The following GPHN variants were observed in gnomAD, a reference collection of about 807,000 sequenced individuals.
GPHN encodes the protein gephyrin.
In GPHN, 17 loss-of-function variants were observed where a neutral mutation model predicts 95.5. The ratio of observed to expected loss-of-function variants is 0.18; its 90% CI spans 0.12 to 0.27. The LOEUF (loss-of-function observed/expected upper bound fraction) is 0.27. GPHN is among the 10% of genes least tolerant of loss of function. The pLI is 1.00. For synonymous variants in GPHN, 320 were observed against 322.5 expected, an observed-to-expected ratio of 0.99 and a Z score of 0.08; for missense variants, 660 against 978.1, an observed-to-expected ratio of 0.67 and a Z score of 4.34.
chr14:67,201,501 ATCCTGGTGGCTCTGTC>A, the GPHN span: 2 of 455,880 alleles, frequency 4.4e-6, no homozygotes, highest in Admixed American at 2.4e-5. Flanking sequence ...TATTCATCTC[ATCCTGGTGGCTCTGTC>A]TCCTGGTGGC....
At chr14:67,028,292 A>G (rs1594864035) in intron 10 of GPHN, among the ~76,000 whole-genome samples, 1 of 152,320 alleles carries the variant, frequency 6.6e-6, no homozygotes, top group African/African-American at 2.4e-5. Context: ...TTAATTCTAT[A>G]TCTTGGCTAT....
At chr14:66,638,795 A>G (rs577942369) in intron 1 of GPHN, among the ~76,000 whole-genome samples, 1 of 152,260 alleles carries the variant, frequency 6.6e-6, no homozygotes, top group Non-Finnish European at 1.5e-5. Context: ...TTACTAGTCA[A>G]ATCAGATATC....
intron 1 of GPHN, among the ~76,000 whole-genome samples, chr14:66,645,325 G>A (rs2064673077): frequency 1.3e-5 from 2 of 152,088 alleles, no homozygotes; most frequent in Admixed American, 1.3e-4. Flanking sequence ...ATCCAGATGA[G>A]TTTTTCTGAT....
chr14:66,977,095 A>G (rs2070297986), intron 9 of GPHN, among the ~76,000 whole-genome samples: 1 of 152,214 alleles, frequency 6.6e-6, no homozygotes, highest in African/African-American at 2.4e-5. Flanking sequence ...AATTCGTATA[A>G]CCTTTCATAC....
chr14:66,719,023 C>T (rs1285018680), intron 2 of GPHN, among the ~76,000 whole-genome samples: 5 of 152,300 alleles, frequency 3.3e-5, no homozygotes, highest in South Asian at 2.1e-4. Context: ...CCAGCTCCCA[C>T]GCAATCCACA....
chr14:67,476,749 G>T, the GPHN span, among the ~76,000 whole-genome samples: 2 of 152,142 alleles, frequency 1.3e-5, no homozygotes, highest in African/African-American at 4.8e-5. Flanking sequence ...AATATCTCTT[G>T]CTTTCTACTG....
intron 17 of GPHN, among the ~76,000 whole-genome samples, chr14:67,138,910 TTTTTTTA>T (rs2080271396): frequency 7.0e-6 from 1 of 143,796 alleles, no homozygotes. Flanking sequence ...TTTTTTTTTT[TTTTTTTA>T]AATTATTAAG....
intron 1 of GPHN, among the ~76,000 whole-genome samples, chr14:66,654,356 A>G (rs1398717138): frequency 6.6e-6 from 1 of 152,040 alleles, no homozygotes; most frequent in Non-Finnish European, 1.5e-5. Context: ...CAGCCTCCCA[A>G]AGTGCTGGAA....
At chr14:66,614,017 C>T (rs557077518) in intron 1 of GPHN, among the ~76,000 whole-genome samples, 3 of 151,818 alleles carry the variant, frequency 2.0e-5, no homozygotes, top group African/African-American at 7.3e-5. Context: ...AATTTTTTGG[C>T]GGCAGTATAT....
At chr14:67,200,398 T>A in the GPHN span, 1 of 579,638 alleles carries the variant, frequency 1.7e-6, no homozygotes, top group Non-Finnish European at 3.0e-6. Context: ...TCAGAGATGC[T>A]GTAGCTCCTT....
chr14:67,209,819 G>GAAAA, the GPHN span, among the ~76,000 whole-genome samples: 2 of 76,928 alleles, frequency 2.6e-5, no homozygotes, highest in African/African-American at 1.0e-4. Context: ...CTCCATCTCG[G>GAAAA]AAAAAAAAAA....
At chr14:66,838,091 GCA>G (rs2153505803) in intron 4 of GPHN, among the ~76,000 whole-genome samples, 1 of 152,130 alleles carries the variant, frequency 6.6e-6, no homozygotes, top group Admixed American at 6.6e-5. Context: ...GTGGTTAAGA[GCA>G]CAGACTATTT....
At chr14:67,732,536 C>CAAA in the GPHN span, among the ~76,000 whole-genome samples, 74 of 130,114 alleles carry the variant, frequency 5.7e-4, 3 homozygotes, top group East Asian at 2.6e-3. Flanking sequence ...CCAAACAAAG[C>CAAA]AAAAAAAAAA....
chr14:66,678,537 G>A (rs531271279), intron 1 of GPHN, among the ~76,000 whole-genome samples: 14 of 149,772 alleles, frequency 9.3e-5, no homozygotes, highest in African/African-American at 2.0e-4. Context: ...TATCTACTAA[G>A]TTTTAAAAGA....
intron 4 of GPHN, among the ~76,000 whole-genome samples, chr14:66,829,857 G>A (rs2061520152): frequency 6.6e-6 from 1 of 152,092 alleles, no homozygotes; most frequent in South Asian, 2.1e-4. Flanking sequence ...GGTAAGCAAT[G>A]TAGCCCACAA....
intron 1 of GPHN, among the ~76,000 whole-genome samples, chr14:66,577,876 A>G (rs1287852534): frequency 6.6e-6 from 1 of 152,012 alleles, no homozygotes; most frequent in Non-Finnish European, 1.5e-5. Context: ...ATTTCCCAGT[A>G]TCATATCTGG....
At chr14:67,568,966 G>A in the GPHN span, 1 of 587,628 alleles carries the variant, frequency 1.7e-6, no homozygotes, top group East Asian at 2.9e-5. Context: ...TCCATTTAGA[G>A]CAGAGGAAAA....
chr14:66,945,562 A>C (rs1349140832), intron 8 of GPHN, among the ~76,000 whole-genome samples: 3 of 152,218 alleles, frequency 2.0e-5, no homozygotes, highest in Non-Finnish European at 4.4e-5. Flanking sequence ...GGAATCTCAG[A>C]AATCACTACT....
At chr14:67,404,225 C>T in the GPHN span, among the ~76,000 whole-genome samples, 1 of 152,176 alleles carries the variant, frequency 6.6e-6, no homozygotes, top group Admixed American at 6.5e-5. Flanking sequence ...AGATGGTAGG[C>T]CACTGGCACA....
Sources: allele counts gnomAD v4.1 joint callset (sites outside exome capture counted in the v4.1 genomes callset), GRCh38; gene constraint gnomAD v4.1.1; transcripts MANE v1.5; gene names NCBI Gene and HGNC (gene_info 2026-07-23, HGNC 2026-07-21).